SFT2D1: variants seen among roughly 807,000 people sequenced by gnomAD.
SFT2D1 encodes the protein vesicle transport protein SFT2A.
SFT2D1 carries 24 observed loss-of-function variants against 28.1 expected under a neutral mutation model. The observed-to-expected ratio is 0.85, with a 90% CI of 0.62 to 1.20. The LOEUF (loss-of-function observed/expected upper bound fraction) is 1.20, where lower values mean the gene tolerates loss of function less well. Among genes scored for constraint, SFT2D1 ranks in the 50% most tolerant of loss-of-function variants. SFT2D1 has a pLI of 0.00. For missense variants in SFT2D1, 181 were observed against 190.9 expected (o/e 0.95, Z 0.31); for synonymous variants, 82 against 73.7 (o/e 1.11, Z -0.58).
At chr6:166,329,085 C>T (rs1778503229) in intron 3 of SFT2D1, among the ~76,000 whole-genome samples, 1 of 152,168 alleles carries the variant, frequency 6.6e-6, no homozygotes, top group African/African-American at 2.4e-5. Flanking sequence ...CCCACCTCAG[C>T]CATGGTGGGA....
chr6:166,322,989 C>T, intron 6 of SFT2D1, 103 bp from the exon 7 acceptor site: 1 of 923,420 alleles, frequency 1.1e-6, no homozygotes, highest in South Asian at 1.4e-5. Context: ...CAGCATGAGA[C>T]TGTACAGTGG....
intron 1 of SFT2D1, among the ~76,000 whole-genome samples, chr6:166,336,372 T>C (rs979570220): frequency 1.3e-5 from 2 of 152,234 alleles, no homozygotes; most frequent in East Asian, 1.9e-4. Context: ...CCATGCAATA[T>C]ATCTAAACTG....
At chr6:166,332,337 C>T (rs565179805) in intron 1 of SFT2D1, among the ~76,000 whole-genome samples, 1 of 152,166 alleles carries the variant, frequency 6.6e-6, no homozygotes, top group Non-Finnish European at 1.5e-5. Context: ...TCAATGCAAC[C>T]TCCGCCTCCC....
At chr6:166,328,715 G>A (rs55798887) in intron 3 of SFT2D1, among the ~76,000 whole-genome samples, 21,674 of 152,156 alleles carry the variant, frequency 0.14, 1,725 homozygotes, top group Admixed American at 0.24. Context: ...TCCCCTTGGG[G>A]GATGCATCTA....
intron 4 of SFT2D1, among the ~76,000 whole-genome samples, chr6:166,328,040 C>T (rs1048694377): frequency 6.6e-6 from 1 of 151,970 alleles, no homozygotes; most frequent in Non-Finnish European, 1.5e-5. Flanking sequence ...TCAGGTGATC[C>T]GCCCACCTTG....
At chr6:166,320,544 C>T (rs1247318105) in intron 7 of SFT2D1, among the ~76,000 whole-genome samples, 4 of 148,654 alleles carry the variant, frequency 2.7e-5, no homozygotes, top group Non-Finnish European at 6.0e-5. Flanking sequence ...AACAAAAGAT[C>T]TAACTTTTTT....
At chr6:166,328,443 G>A (rs1583036892) in intron 3 of SFT2D1, 86 bp from the exon 4 acceptor site, 1 of 748,804 alleles carries the variant, frequency 1.3e-6, no homozygotes, top group Admixed American at 3.4e-5. Context: ...TAAAAAAGAA[G>A]CCCTGTTGCT....
intron 3 of SFT2D1, 37 bp downstream of exon 3, chr6:166,329,469 GC>G: frequency 6.4e-7 from 1 of 1,574,234 alleles, no homozygotes; most frequent in Non-Finnish European, 8.7e-7. Context: ...AAATTTGGTA[GC>G]AAGAGCAAAC....
chr6:166,334,703 A>G, intron 1 of SFT2D1: 1 of 253,942 alleles, frequency 3.9e-6, no homozygotes, highest in South Asian at 5.3e-5. Flanking sequence ...AGCGATGGGG[A>G]ACGCTCGTGG....
In SFT2D1 at chr6:166,320,211, T is replaced by C. The variant is rs756208650; in HGVS notation, c.*6A>G. On this transcript the variant is annotated 3_prime_UTR_variant, in exon 8 of 8. Coordinates refer to ENST00000361731, the MANE Select transcript of SFT2D1 (RefSeq NM_145169.3). ...TCAAGTGCTCTTTTCCACAAGTTTC[T>C]GATTTTCAACTTAGGAGAGAAGAAC... is the stretch of plus-strand genomic sequence containing the variant. 3 of 1,610,500 alleles carry C rather than the reference T, an allele frequency of 1.9e-6. No homozygotes were observed. The highest frequency in any genetic ancestry group is 2.2e-5 in the South Asian group (2 of 89,912).
chr6:166,335,275 C>A, intron 1 of SFT2D1: 1 of 581,304 alleles, frequency 1.7e-6, no homozygotes, highest in Non-Finnish European at 3.3e-6. Flanking sequence ...CTGTCCACAG[C>A]GGTGGCGGTG....
chr6:166,324,668 CTT>C, intron 5 of SFT2D1, 73 bp from the exon 6 acceptor site: 1 of 1,384,904 alleles, frequency 7.2e-7, no homozygotes, highest in Non-Finnish European at 1.0e-6. Flanking sequence ...AAACTTAATT[CTT>C]GTCTTTCAAA....
intron 4 of SFT2D1, among the ~76,000 whole-genome samples, chr6:166,326,638 C>T (rs954201693): frequency 7.9e-5 from 12 of 152,182 alleles, no homozygotes; most frequent in African/African-American, 2.4e-4. Context: ...AGAGTGCATC[C>T]GTGATGGGCT....
chr6:166,327,431 G>C (rs1778466355), intron 4 of SFT2D1, among the ~76,000 whole-genome samples: 2 of 152,180 alleles, frequency 1.3e-5, no homozygotes, highest in South Asian at 4.1e-4. Flanking sequence ...AAGATAATAA[G>C]AGTGATGACC....
chr6:166,335,620 A>G lies in SFT2D1; in HGVS notation c.64-5373T>C, dbSNP rs546747933. On this transcript the variant is annotated intron_variant, in intron 1 of 7. Transcript: ENST00000361731. Reference sequence around the variant, plus strand: ...TCAGACCTTGGCGATGACCTTGAACAGGAGAACATAAATAACTCCCACATG... The same window carrying G: ...TCAGACCTTGGCGATGACCTTGAACGGGAGAACATAAATAACTCCCACATG... 1.1e-4 allele frequency: 39 copies of G among 360,192 alleles called. No homozygotes were observed. In the East Asian group the frequency reaches 2.7e-3, roughly 24 times the overall value. 22.3% of individuals were successfully genotyped at this position (360,192 alleles called of 1,614,324 possible).
chr6:166,324,575 A>G lies in SFT2D1; in HGVS notation c.372T>C (p.Ala124=), dbSNP rs201966170. The stretch of plus-strand genomic sequence containing the variant: ...AGAACTGCAATATGCAGAATAACAC[A>G]GCCAGTCCCTTCTTATGCCACTAAC... ...AALWWHKKGL[A]VLFCILQFLS... The change falls in exon 6 of 8, where the codon GCT becomes GCC. Residue 124 remains alanine, a synonymous_variant. Coordinates refer to ENST00000361731, the MANE Select transcript of SFT2D1 (RefSeq NM_145169.3). 9.3e-6 allele frequency: 15 copies of G among 1,612,936 alleles called. No homozygotes were observed. Among genetic ancestry groups the G allele is most frequent in the South Asian group, 1.1e-5 (1 of 90,874 alleles).
intron 1 of SFT2D1, 140 bp downstream of exon 1, chr6:166,342,279 G>A (rs1778798654): frequency 6.2e-6 from 4 of 648,464 alleles, no homozygotes; most frequent in Non-Finnish European, 9.7e-6. Context: ...GGAAGCAGGC[G>A]GAGCCCTCCT....
At chr6:166,334,731 TCCAAGCA>T in intron 1 of SFT2D1, 1 of 339,360 alleles carries the variant, frequency 2.9e-6, no homozygotes, top group Non-Finnish European at 5.8e-6. Flanking sequence ...AGTCATGAGA[TCCAAGCA>T]CCAAGCACTC....
intron 1 of SFT2D1, among the ~76,000 whole-genome samples, chr6:166,332,533 C>T (rs1170557255): frequency 6.6e-6 from 1 of 152,198 alleles, no homozygotes; most frequent in African/African-American, 2.4e-5. Context: ...GGATTACAGG[C>T]ATGAGCCACG....
Sources: allele counts gnomAD v4.1 joint callset (sites outside exome capture counted in the v4.1 genomes callset), GRCh38; gene constraint gnomAD v4.1.1; transcripts MANE v1.5; gene names NCBI Gene and HGNC (gene_info 2026-07-23, HGNC 2026-07-21).